Variants in SHCBP1 observed in about 807,000 individuals in gnomAD.
The protein encoded by SHCBP1 is SHC SH2 domain-binding protein 1.
A neutral mutation model predicts 75.1 loss-of-function variants in SHCBP1; 60 were observed. That is an observed-to-expected ratio of 0.80 (90% CI 0.65 to 0.99). SHCBP1 has a LOEUF of 0.99. Among genes scored for constraint, SHCBP1 ranks in the 50% least tolerant of loss-of-function variants. The pLI is 0.00. For synonymous variants in SHCBP1, 290 were observed against 293.2 expected (o/e 0.99, Z 0.11); for missense variants, 709 against 809.4 (o/e 0.88, Z 1.50).
At chr16:46,612,540 C>A (rs1253784278) in intron 4 of SHCBP1, among the ~76,000 whole-genome samples, 2 of 152,034 alleles carry the variant, frequency 1.3e-5, no homozygotes, top group Non-Finnish European at 2.9e-5. Context: ...CTGCTGGCTC[C>A]CTTTTAGCCC....
chr16:46,606,354 C>A (rs1965326505), intron 5 of SHCBP1, among the ~76,000 whole-genome samples: 1 of 152,180 alleles, frequency 6.6e-6, no homozygotes, highest in South Asian at 2.1e-4. Context: ...AGCCCAGAGA[C>A]CTTTTTTAAG....
intron 10 of SHCBP1, among the ~76,000 whole-genome samples, chr16:46,591,747 T>G (rs183518076): frequency 6.6e-6 from 1 of 151,928 alleles, no homozygotes; most frequent in Non-Finnish European, 1.5e-5. Flanking sequence ...ATAGACCATA[T>G]CCTGAGCCAT....
In SHCBP1 at chr16:46,603,661, T is replaced by G. The variant is rs1167897967; in HGVS notation, c.1093-2A>C. 1 of 1,613,960 alleles carries G rather than the reference T, an allele frequency of 6.2e-7. No homozygotes were observed. The highest frequency in any genetic ancestry group is 8.5e-7 in the Non-Finnish European group (1 of 1,179,950). On this transcript the variant is annotated splice_acceptor_variant, in intron 7 of 12. Coordinates refer to ENST00000303383, the MANE Select transcript of SHCBP1 (RefSeq NM_024745.5). LOFTEE classifies it high-confidence loss of function. ...AGCAGACAATGGATCACTATGGAAC[T>G]AGAAAACAATAAGAACACATTTGTA...
intron 4 of SHCBP1, among the ~76,000 whole-genome samples, chr16:46,614,301 G>A (rs570089662): frequency 2.6e-4 from 40 of 152,026 alleles, no homozygotes; most frequent in Non-Finnish European, 4.3e-4. Context: ...ACTCACTAAT[G>A]GTATAGAAAA....
intron 4 of SHCBP1, among the ~76,000 whole-genome samples, chr16:46,613,169 T>TA (rs1177193268): frequency 6.6e-6 from 1 of 151,896 alleles, no homozygotes; most frequent in Non-Finnish European, 1.5e-5. Flanking sequence ...AAAATGTTGT[T>TA]AAAAAACTAG....
At chr16:46,599,793 C>A in intron 9 of SHCBP1, 38 bp downstream of exon 9, 1 of 1,500,824 alleles carries the variant, frequency 6.7e-7, no homozygotes, top group South Asian at 1.2e-5. Context: ...ACCTTCAAAT[C>A]TTAGAACAAA....
At chr16:46,615,210 C>T (rs1321183079) in intron 4 of SHCBP1, among the ~76,000 whole-genome samples, 4 of 152,188 alleles carry the variant, frequency 2.6e-5, no homozygotes, top group Non-Finnish European at 2.9e-5. Flanking sequence ...AGATAATACA[C>T]ATAACATAGA....
At chr16:46,584,424 C>T (rs1964924506) in intron 10 of SHCBP1, among the ~76,000 whole-genome samples, 1 of 150,988 alleles carries the variant, frequency 6.6e-6, no homozygotes, top group African/African-American at 2.4e-5. Flanking sequence ...AGTCATTTAA[C>T]AATTTTGTTG....
intron 4 of SHCBP1, among the ~76,000 whole-genome samples, chr16:46,613,574 C>G (rs1217513391): frequency 6.6e-6 from 1 of 152,190 alleles, no homozygotes; most frequent in Admixed American, 6.5e-5. Flanking sequence ...CCCTTCCCCA[C>G]CCCTGCCTCC....
intron 8 of SHCBP1, among the ~76,000 whole-genome samples, chr16:46,603,057 T>C (rs570360446): frequency 2.4e-4 from 37 of 152,332 alleles, no homozygotes; most frequent in African/African-American, 7.9e-4. Context: ...TTGGTACCAA[T>C]TTCAAGTTAA....
chr16:46,588,014 T>A (rs922995201), intron 10 of SHCBP1, among the ~76,000 whole-genome samples: 21 of 151,896 alleles, frequency 1.4e-4, no homozygotes, highest in Admixed American at 6.6e-5. Context: ...AGAAACTCAC[T>A]CAAAACAAAA....
intron 5 of SHCBP1, among the ~76,000 whole-genome samples, chr16:46,607,960 C>A (rs1015366293): frequency 7.2e-5 from 11 of 152,194 alleles, no homozygotes; most frequent in Non-Finnish European, 1.2e-4. Flanking sequence ...CTTCTTAACC[C>A]ACTAGTTCAA....
chr16:46,588,055 G>A (rs1043359462), intron 10 of SHCBP1, among the ~76,000 whole-genome samples: 2 of 152,102 alleles, frequency 1.3e-5, no homozygotes, highest in Non-Finnish European at 2.9e-5. Context: ...TGAACAACCT[G>A]CTCCTGAATG....
At chr16:46,609,608 C>CGTGG (rs1567452104) in intron 4 of SHCBP1, among the ~76,000 whole-genome samples, 1 of 151,806 alleles carries the variant, frequency 6.6e-6, no homozygotes, top group East Asian at 2.0e-4. Flanking sequence ...ACCGCCACCA[C>CGTGG]GCCTGGCTTA....
In SHCBP1 at chr16:46,593,886, A is replaced by G. The variant is rs188435701; in HGVS notation, c.1464+1666T>C. On this transcript the variant is annotated intron_variant, in intron 10 of 12. Coordinates refer to ENST00000303383, the MANE Select transcript of SHCBP1 (RefSeq NM_024745.5). ...AATCTCAGCATGATCTTTCGTGGAT[A>G]TAGACAAAATTATTTTAACATTTGT... Among the ~76,000 whole-genome samples, 36 of 152,394 alleles carry G rather than the reference A, an allele frequency of 2.4e-4. No homozygotes were observed. In the East Asian group the frequency reaches 6.5e-3, roughly 28 times the overall value.
intron 9 of SHCBP1, among the ~76,000 whole-genome samples, chr16:46,597,337 T>C (rs1466599023): frequency 6.6e-6 from 1 of 152,114 alleles, no homozygotes; most frequent in Non-Finnish European, 1.5e-5. Flanking sequence ...GCCCAGGAGT[T>C]TGAGGCTACA....
In SHCBP1 at chr16:46,616,849, A is replaced by G. The variant is rs566080333; in HGVS notation, c.388-695T>C. On this transcript the variant is annotated intron_variant, in intron 3 of 12. Transcript: ENST00000303383. This position sits in a 1 kb window ranked among gnomAD's most constrained non-coding sequence, Gnocchi z 4.4. ...ATCATAACCAAATGAATAGGCCTGA[A>G]CTTCAACCAAAAAATATTAGCACAA... Among the ~76,000 whole-genome samples the G allele has an allele frequency of 6.6e-6, 1 of 152,164 alleles. No individual in the cohort carries two copies. Among genetic ancestry groups the G allele is most frequent in the Non-Finnish European group, 1.5e-5 (1 of 68,030 alleles).
At position 46,600,187 on chromosome 16, in the gene SHCBP1, G is replaced by T. The variant is rs144994721; in HGVS notation, c.1214-225C>A. 2.1e-3 allele frequency among the ~76,000 whole-genome samples: 325 copies of T among 152,226 alleles called. 1 individual carries two copies. Among genetic ancestry groups the T allele is most frequent in the Non-Finnish European group, 3.6e-3 (243 of 68,012 alleles). ...TCTCTGACTAGTCCCGTATCAGGAA[G>T]ACTACCCTATCAACTATCCCACATC... is the stretch of plus-strand genomic sequence containing the variant. On this transcript the variant is annotated intron_variant, in intron 8 of 12. Coordinates refer to ENST00000303383, the MANE Select transcript of SHCBP1 (RefSeq NM_024745.5).
chr16:46,621,089 A>G (rs1965581805), intron 1 of SHCBP1, among the ~76,000 whole-genome samples, 168 bp downstream of exon 1: 1 of 152,150 alleles, frequency 6.6e-6, no homozygotes, highest in Non-Finnish European at 1.5e-5. Context: ...ACCCCTGGGT[A>G]CCGCCCGACT....
Sources: gnomAD v4.1 joint callset for allele counts (sites outside exome capture counted in the v4.1 genomes callset) on GRCh38, gnomAD v4.1.1 for gene constraint, Gnocchi (gnomAD v3.1) non-coding constraint, MANE v1.5 for transcripts, NCBI Gene and HGNC (gene_info 2026-07-23, HGNC 2026-07-21) for gene names.